SH3RF2: variants seen among roughly 807,000 people sequenced by gnomAD.
The protein encoded by SH3RF2 is E3 ubiquitin-protein ligase SH3RF2.
SH3RF2 carries 43 observed loss-of-function variants against 59.0 expected under a neutral mutation model. That is an observed-to-expected ratio of 0.73 (90% CI 0.57 to 0.94). The LOEUF (loss-of-function observed/expected upper bound fraction) is 0.94. Among genes scored for constraint, SH3RF2 ranks in the 40% least tolerant of loss-of-function variants. SH3RF2 has a pLI of 0.00. For missense variants in SH3RF2, 930 were observed against 940.1 expected (o/e 0.99, Z 0.14); for synonymous variants, 391 against 391.5 (o/e 1.00, Z 0.01).
intron 2 of SH3RF2, among the ~76,000 whole-genome samples, chr5:145,975,140 G>C (rs977764812): frequency 2.0e-5 from 3 of 152,214 alleles, no homozygotes; most frequent in Admixed American, 6.5e-5. Flanking sequence ...TCTGGGCCCA[G>C]GCAGCCAGGC....
At chr5:146,049,009 C>T (rs1462652439) in intron 6 of SH3RF2, 66 bp from the exon 7 acceptor site, 7 of 1,582,030 alleles carry the variant, frequency 4.4e-6, no homozygotes, top group Non-Finnish European at 5.2e-6. Flanking sequence ...CCACCATTCC[C>T]CCACTCCATG....
At chr5:146,053,239 C>A (rs907629390) in intron 7 of SH3RF2, among the ~76,000 whole-genome samples, 15 of 152,326 alleles carry the variant, frequency 9.8e-5, no homozygotes, top group African/African-American at 3.4e-4. Flanking sequence ...TGACACCAAC[C>A]TGTCCAGCTG....
chr5:145,999,732 G>A (rs1760319106), intron 2 of SH3RF2, among the ~76,000 whole-genome samples: 1 of 151,556 alleles, frequency 6.6e-6, no homozygotes, highest in South Asian at 2.1e-4. Context: ...AGTTTGTGGC[G>A]CCCCCCGAGA....
chr5:146,035,562 G>A (rs1461227746), intron 5 of SH3RF2, among the ~76,000 whole-genome samples: 3 of 152,104 alleles, frequency 2.0e-5, no homozygotes, highest in African/African-American at 4.8e-5. Flanking sequence ...CCCATACCCA[G>A]GGACATCTGA....
chr5:146,067,905 G>A (rs142095176), downstream of SH3RF2, among the ~76,000 whole-genome samples: 884 of 152,294 alleles, frequency 5.8e-3, 8 homozygotes, highest in African/African-American at 0.02. Context: ...CCAATTGGCC[G>A]GTGCCTATGC....
At chr5:146,019,350 C>A (rs1231311671) in intron 5 of SH3RF2, among the ~76,000 whole-genome samples, 1 of 152,092 alleles carries the variant, frequency 6.6e-6, no homozygotes, top group Non-Finnish European at 1.5e-5. Flanking sequence ...TTCCCAACAC[C>A]ATTTATTAAA....
chr5:145,993,783 G>A (rs1760043379), intron 2 of SH3RF2, among the ~76,000 whole-genome samples: 1 of 152,248 alleles, frequency 6.6e-6, no homozygotes, highest in Non-Finnish European at 1.5e-5. Context: ...GGGCTGCCAT[G>A]AAGACCTCTG....
rs753961992 is a variant in SH3RF2, at chr5:146,000,065, G to T, written c.386G>T (p.Arg129Leu). ...TGGTCTGTGCCATTGCAGGTGCCTC[G>T]AGCAAAGGCCTTATGCAACTACAGA... ...NVRIHMDGVP[R>L]AKALCNYRGQ... Residue 129 changes from arginine (R) to leucine (L), a missense_variant, in exon 3 of 10, where the codon CGA (arginine) becomes CTA (leucine). Coordinates refer to ENST00000359120, the MANE Select transcript of SH3RF2 (RefSeq NM_152550.4). 6.2e-7 allele frequency: 1 copy of T among 1,612,072 alleles called. No homozygotes were observed. Among genetic ancestry groups the T allele is most frequent in the Non-Finnish European group, 8.5e-7 (1 of 1,179,318 alleles).
intron 2 of SH3RF2, among the ~76,000 whole-genome samples, chr5:145,974,230 A>G (rs1460854634): frequency 6.6e-6 from 1 of 152,220 alleles, no homozygotes; most frequent in East Asian, 1.9e-4. Flanking sequence ...CACTTCTTCA[A>G]AGCCAGCAAG....
intron 2 of SH3RF2, among the ~76,000 whole-genome samples, chr5:145,942,186 T>C (rs958054338): frequency 6.6e-6 from 1 of 152,232 alleles, no homozygotes; most frequent in African/African-American, 2.4e-5. Context: ...AGGAAAACCA[T>C]ACACAGGGCA....
intron 2 of SH3RF2, among the ~76,000 whole-genome samples, chr5:145,979,744 T>C (rs1759439147): frequency 1.3e-5 from 2 of 152,206 alleles, no homozygotes; most frequent in African/African-American, 4.8e-5. Context: ...AATAATAGCG[T>C]TTACCTCATA....
At chr5:146,064,610 A>G (rs77632910), downstream of SH3RF2, among the ~76,000 whole-genome samples, 79 of 55,186 alleles carry the variant, frequency 1.4e-3, 1 homozygote, top group South Asian at 2.7e-3. Flanking sequence ...AGAGAGAGAG[A>G]GAGAGGGAGA....
At position 145,996,865 on chromosome 5, in the gene SH3RF2, T is replaced by A. The variant is rs150676051; in HGVS notation, c.379-3193T>A. ...TCTTATGCAAGTTAATAAACCACTC[T>A]GTGTCTCTGTCACCCTATCTTATAA... is the stretch of plus-strand genomic sequence containing the variant. On this transcript the variant is annotated intron_variant, in intron 2 of 9. Transcript: ENST00000359120. 5.3e-5 allele frequency among the ~76,000 whole-genome samples: 8 copies of A among 152,344 alleles called. No individual in the cohort carries two copies. In the East Asian group the frequency reaches 1.5e-3, roughly 29 times the overall value.
Position 145,940,272 on chromosome 5 carries a change from C to G in SH3RF2, c.378+1966C>G, listed in dbSNP as rs573391891. On this transcript the variant is annotated intron_variant, in intron 2 of 9. Transcript: ENST00000359120. ...TGCAAGAGAGCAGAGCTGGCACCCC[C>G]ACTTCCCAATTCCTTTATGTCCTAA... is the stretch of plus-strand genomic sequence containing the variant. Among the ~76,000 whole-genome samples, 7 of 152,326 alleles carry G rather than the reference C, an allele frequency of 4.6e-5. No homozygotes were observed. The South Asian group carries it at 1.4e-3, about 32-fold the overall frequency.
At position 145,982,520 on chromosome 5, in the gene SH3RF2, A is replaced by G. The variant is rs1759542756; in HGVS notation, c.379-17538A>G. Among the ~76,000 whole-genome samples, 4 of 152,198 alleles carry G rather than the reference A, an allele frequency of 2.6e-5. No individual in the cohort carries two copies. In the South Asian group the frequency reaches 8.3e-4, roughly 31 times the overall value. On this transcript the variant is annotated intron_variant, in intron 2 of 9. Transcript: ENST00000359120. ...CCCTGGTTCTTGAAAACCTTAACCAATCTATGAAGAAATTGATATTTGGGG... is the reference window on the plus strand; with the variant it reads ...CCCTGGTTCTTGAAAACCTTAACCAGTCTATGAAGAAATTGATATTTGGGG...
chr5:146,015,709 G>C (rs1322466800), intron 5 of SH3RF2, among the ~76,000 whole-genome samples: 1 of 152,216 alleles, frequency 6.6e-6, no homozygotes, highest in East Asian at 1.9e-4. Context: ...GGCTGGACTA[G>C]AGTGGGAGAA....
intron 9 of SH3RF2, among the ~76,000 whole-genome samples, chr5:146,074,075 T>A (rs1474178453): frequency 7.0e-6 from 1 of 143,266 alleles, no homozygotes; most frequent in South Asian, 2.2e-4. Context: ...AGTCTCGCTC[T>A]GTCGCCCAGG....
Position 146,060,083 on chromosome 5 carries a change from C to G in SH3RF2, c.1773C>G (p.Ala591=). 1 of 1,614,036 alleles carries G rather than the reference C, an allele frequency of 6.2e-7. No individual in the cohort carries two copies. Among genetic ancestry groups the G allele is most frequent in the South Asian group, 1.1e-5 (1 of 91,068 alleles). The change falls in exon 9 of 10, where the codon GCC becomes GCG. Residue 591 remains alanine, a synonymous_variant. Transcript: ENST00000359120. The stretch of plus-strand genomic sequence containing the variant: ...CGTGCATCAGCAGGGGCAGTGAGGC[C>G]TGGATCCACTCCGCGGCCAGCTCCC... ...ALTCISRGSE[A]WIHSAASSLI...
intron 9 of SH3RF2, among the ~76,000 whole-genome samples, chr5:146,070,375 T>C (rs138315040): frequency 9.9e-5 from 15 of 152,246 alleles, no homozygotes; most frequent in Admixed American, 8.5e-4. Context: ...TGAGGTTAGG[T>C]CTTGCTGTCC....
Sources: gnomAD v4.1 joint callset for allele counts (sites outside exome capture counted in the v4.1 genomes callset) on GRCh38, gnomAD v4.1.1 for gene constraint, MANE v1.5 for transcripts, NCBI Gene and HGNC (gene_info 2026-07-23, HGNC 2026-07-21) for gene names.